UNC13B: variants seen among roughly 807,000 people sequenced by gnomAD.
The protein encoded by UNC13B is protein unc-13 homolog B.
A neutral mutation model predicts 211.0 loss-of-function variants in UNC13B; 144 were observed. That is an observed-to-expected ratio of 0.68 (90% CI 0.60 to 0.78). The LOEUF is 0.78. UNC13B is among the 30% of genes least tolerant of loss of function. The pLI is 0.00. For missense variants in UNC13B, 1,777 were observed against 2,002.0 expected (o/e 0.89, Z 2.14); for synonymous variants, 709 against 725.8 (o/e 0.98, Z 0.37).
intron 7 of UNC13B, among the ~76,000 whole-genome samples, chr9:35,290,255 G>A (rs1829026688): frequency 6.6e-6 from 1 of 151,924 alleles, no homozygotes; most frequent in Non-Finnish European, 1.5e-5. Flanking sequence ...GACCCAATAG[G>A]CTAGAGTGGT....
At chr9:35,386,064 C>T (rs1835167294) in intron 23 of UNC13B, 101 bp from the exon 24 acceptor site, 1 of 1,548,094 alleles carries the variant, frequency 6.5e-7, no homozygotes. Context: ...GGGACCCAGA[C>T]AGGGATGAAA....
chr9:35,302,935 T>G lies in UNC13B; in HGVS notation c.3531T>G (p.Asn1177Lys). The change falls in exon 9 of 40, where the codon AAT (asparagine) becomes AAG (lysine). Residue 1177 changes from asparagine to lysine, a missense_variant. Coordinates refer to ENST00000635942, the MANE Select transcript of UNC13B (RefSeq NM_001371189.2). ...AAAATGATGACTCCCATCACAAGAATAATACCCCAGGTTTAATCTCTGGAA... is the reference window on the plus strand; with the variant it reads ...AAAATGATGACTCCCATCACAAGAAGAATACCCCAGGTTTAATCTCTGGAA... ...NLKNDDSHHK[N>K]NTPGLISGIF... is the part of the protein sequence containing the mutation. The G allele has an allele frequency of 2.5e-6, 1 of 398,700 alleles. No homozygotes were observed. The highest frequency in any genetic ancestry group is 4.4e-6 in the Non-Finnish European group (1 of 225,780). 24.7% of individuals were successfully genotyped at this position (398,700 alleles called of 1,614,324 possible).
At chr9:35,221,682 T>C (rs1037840727) in intron 1 of UNC13B, among the ~76,000 whole-genome samples, 2 of 152,212 alleles carry the variant, frequency 1.3e-5, no homozygotes, top group African/African-American at 4.8e-5. Context: ...ATTTTTTTTC[T>C]TTTAAACTTC....
intron 21 of UNC13B, 55 bp downstream of exon 21, chr9:35,382,562 ATTT>A (rs199694785): frequency 1.7e-3 from 2,233 of 1,320,426 alleles, no homozygotes; most frequent in Middle Eastern, 2.8e-3. Context: ...ATAAAGTTTG[ATTT>A]TTTTTTTTTT....
At chr9:35,173,436 T>G (rs1254542335) in intron 1 of UNC13B, among the ~76,000 whole-genome samples, 2 of 151,948 alleles carry the variant, frequency 1.3e-5, no homozygotes, top group Non-Finnish European at 2.9e-5. Context: ...TTTTTTTTTT[T>G]TTTTGGGGAC....
At chr9:35,224,337 A>G (rs559506161) in intron 1 of UNC13B, among the ~76,000 whole-genome samples, 3 of 152,058 alleles carry the variant, frequency 2.0e-5, no homozygotes, top group African/African-American at 7.2e-5. Context: ...GTGTTTTGTC[A>G]TTTTTGTTGT....
intron 12 of UNC13B, among the ~76,000 whole-genome samples, chr9:35,370,025 G>A (rs900458113): frequency 6.6e-6 from 1 of 152,158 alleles, no homozygotes; most frequent in African/African-American, 2.4e-5. Flanking sequence ...GAGCATAAAA[G>A]TGCCTTCAAA....
intron 1 of UNC13B, among the ~76,000 whole-genome samples, chr9:35,163,775 A>G (rs538551349): frequency 6.6e-6 from 1 of 152,332 alleles, no homozygotes; most frequent in South Asian, 2.1e-4. Context: ...GGCAGGTTTC[A>G]TTGTCTAGAA....
rs1361273736 is a variant in UNC13B, at chr9:35,302,334, A to G, written c.2930A>G (p.Asp977Gly). Reference protein sequence around the residue: ...KSSSVPNIHDDLEKFDSIKEF... With the variant: ...KSSSVPNIHDGLEKFDSIKEF... The stretch of plus-strand genomic sequence containing the variant: ...AGTTCAGTTCCAAATATTCATGATG[A>G]TCTAGAGAAGTTTGACAGTATAAAG... Residue 977 changes from aspartate to glycine, a missense_variant, in exon 9 of 40, where the codon GAT (aspartate) becomes GGT (glycine). Physicochemically the swap from Asp to Gly is moderately conservative, Grantham distance 94. Transcript: ENST00000635942. The G allele has an allele frequency of 3.0e-5, 12 of 398,498 alleles. No homozygotes were observed. The highest frequency in any genetic ancestry group is 4.4e-5 in the Non-Finnish European group (10 of 225,770). 24.7% of individuals were successfully genotyped at this position (398,498 alleles called of 1,614,324 possible). A position where few individuals can be genotyped will look rare whatever the true frequency, so the allele number is the denominator to read the frequency against.
chr9:35,238,837 C>T (rs545048741), intron 5 of UNC13B, among the ~76,000 whole-genome samples: 29 of 152,048 alleles, frequency 1.9e-4, no homozygotes, highest in African/African-American at 2.9e-4. Context: ...GAATTACAAG[C>T]GTGAGCCACC....
In UNC13B at chr9:35,243,351, G is replaced by A. The variant is rs1825911955; in HGVS notation, c.455G>A (p.Gly152Glu). The A allele has an allele frequency of 6.2e-7, 1 of 1,613,496 alleles. No homozygotes were observed. Among genetic ancestry groups the A allele is most frequent in the African/African-American group, 1.3e-5 (1 of 74,990 alleles). Residue 152 changes from glycine (G) to glutamate (E), a missense_variant, in exon 6 of 40, where the codon GGA becomes GAA. Coordinates refer to ENST00000635942, the MANE Select transcript of UNC13B (RefSeq NM_001371189.2). ...TYKWEQINAL[G>E]ADNEYSSQEE... ...AAATGGGAGCAAATCAATGCCTTGG[G>A]AGCTGACAATGAGGTAGGAGCAGCC...
At chr9:35,178,280 C>T (rs980629726) in intron 1 of UNC13B, among the ~76,000 whole-genome samples, 6 of 152,062 alleles carry the variant, frequency 3.9e-5, no homozygotes, top group Admixed American at 2.0e-4. Context: ...GAGGCCAAGA[C>T]GGGTAGATCA....
At chr9:35,262,000 C>T (rs1827301470) in intron 7 of UNC13B, among the ~76,000 whole-genome samples, 1 of 152,152 alleles carries the variant, frequency 6.6e-6, no homozygotes, top group African/African-American at 2.4e-5. Context: ...TGTTTATGTA[C>T]TACATTTTCC....
At chr9:35,328,665 TCCC>T (rs1418550524) in intron 11 of UNC13B, among the ~76,000 whole-genome samples, 21 of 104,622 alleles carry the variant, frequency 2.0e-4, no homozygotes, top group African/African-American at 7.0e-4. Context: ...CCTTCCTTCC[TCCC>T]TCCCTTCCTT....
intron 11 of UNC13B, chr9:35,362,030 T>C (rs2132126799): frequency 6.6e-6 from 1 of 152,316 alleles, no homozygotes; most frequent in East Asian, 1.9e-4. Flanking sequence ...GGAGAATTGA[T>C]GCAATTAAGC....
intron 11 of UNC13B, among the ~76,000 whole-genome samples, chr9:35,329,522 C>G (rs917855524): frequency 4.6e-5 from 7 of 151,044 alleles, no homozygotes; most frequent in African/African-American, 1.7e-4. Context: ...GGGTCTCACT[C>G]TGTTGCCCAG....
intron 1 of UNC13B, among the ~76,000 whole-genome samples, chr9:35,180,160 C>T (rs766552196): frequency 6.6e-6 from 1 of 152,074 alleles, no homozygotes; most frequent in African/African-American, 2.4e-5. Flanking sequence ...TATAATTAGT[C>T]ATTGGTTTTG....
chr9:35,379,255 C>T (rs974033646), intron 17 of UNC13B, among the ~76,000 whole-genome samples: 1 of 152,114 alleles, frequency 6.6e-6, no homozygotes, highest in African/African-American at 2.4e-5. Context: ...CCAGACCAGA[C>T]TGGCCAACAT....
rs146216310 is a variant in UNC13B at position 35,222,798 on chromosome 9, C to G, written c.23-5217C>G. On this transcript the variant is annotated intron_variant, in intron 1 of 39. Transcript: ENST00000635942. Reference sequence around the variant, plus strand: ...CCCAGTCTGTGATCACACACTACAACGTATTCCTTCAATATAACTGTATGT... The same window carrying G: ...CCCAGTCTGTGATCACACACTACAAGGTATTCCTTCAATATAACTGTATGT... Among the ~76,000 whole-genome samples, 143 of 152,286 alleles carry G rather than the reference C, an allele frequency of 9.4e-4. 1 individual carries two copies. Among genetic ancestry groups the G allele is most frequent in the African/African-American group, 3.3e-3 (138 of 41,562 alleles).
Sources: gnomAD v4.1 joint callset for allele counts (sites outside exome capture counted in the v4.1 genomes callset) on GRCh38, gnomAD v4.1.1 for gene constraint, MANE v1.5 for transcripts, NCBI Gene and HGNC (gene_info 2026-07-23, HGNC 2026-07-21) for gene names.